The following TPD52 variants were observed in gnomAD, a reference collection of about 807,000 sequenced individuals.
The protein encoded by TPD52 is tumor protein D52.
TPD52 carries 17 observed loss-of-function variants against 31.3 expected under a neutral mutation model. The ratio of observed to expected loss-of-function variants is 0.54; its 90% confidence interval spans 0.37 to 0.82. The LOEUF (loss-of-function observed/expected upper bound fraction) is 0.82. Ranked by LOEUF, TPD52 falls within the 40% of genes least tolerant of loss-of-function variation. TPD52 has a pLI of 0.00. For missense variants in TPD52, 212 were observed against 240.1 expected, an observed-to-expected ratio of 0.88 and a Z score of 0.77; for synonymous variants, 83 against 89.6, an observed-to-expected ratio of 0.93 and a Z score of 0.42.
chr8:80,077,059 G>A (rs1457520858), intron 1 of TPD52, among the ~76,000 whole-genome samples: 3 of 151,944 alleles, frequency 2.0e-5, no homozygotes, highest in African/African-American at 7.2e-5. Flanking sequence ...GGCGGATCAC[G>A]AGGTCAGGAG....
chr8:80,089,072 A>G (rs1356898390), intron 1 of TPD52, among the ~76,000 whole-genome samples: 1 of 152,214 alleles, frequency 6.6e-6, no homozygotes, highest in Non-Finnish European at 1.5e-5. Context: ...TTGGACTTTC[A>G]GCCTCCAGAA....
At chr8:80,116,883 T>A (rs894719865) in intron 1 of TPD52, among the ~76,000 whole-genome samples, 10 of 151,930 alleles carry the variant, frequency 6.6e-5, no homozygotes, top group Non-Finnish European at 1.2e-4. Context: ...TATCAATAGA[T>A]AAAGGACTAA....
intron 1 of TPD52, among the ~76,000 whole-genome samples, chr8:80,157,758 G>C (rs529275673): frequency 6.6e-6 from 1 of 152,154 alleles, no homozygotes; most frequent in Admixed American, 6.5e-5. Context: ...ACCACCCAGG[G>C]AAAGTATAAT....
At chr8:80,061,621 CTG>C (rs1812565750) in intron 2 of TPD52, among the ~76,000 whole-genome samples, 1 of 152,064 alleles carries the variant, frequency 6.6e-6, no homozygotes, top group Admixed American at 6.6e-5. Context: ...GAGGTCAAGG[CTG>C]CCCCGAGCCA....
At chr8:80,140,939 G>A (rs1809786411) in intron 1 of TPD52, among the ~76,000 whole-genome samples, 1 of 138,840 alleles carries the variant, frequency 7.2e-6, no homozygotes, top group Non-Finnish European at 1.6e-5. Flanking sequence ...ATTTTCAGGG[G>A]CAATACAACT....
downstream of TPD52, among the ~76,000 whole-genome samples, chr8:80,034,149 C>T (rs1809766885): frequency 6.6e-6 from 1 of 152,170 alleles, no homozygotes; most frequent in Admixed American, 6.5e-5. Flanking sequence ...ATGTCAGCAC[C>T]ACCCTGAGGA....
At chr8:80,112,220 C>G (rs1031249752) in intron 1 of TPD52, among the ~76,000 whole-genome samples, 1 of 152,340 alleles carries the variant, frequency 6.6e-6, no homozygotes, top group East Asian at 1.9e-4. Context: ...AAGCAGTGCT[C>G]TAGCACTTCA....
chr8:80,150,039 T>C (rs1050408060), intron 1 of TPD52, among the ~76,000 whole-genome samples: 9 of 152,192 alleles, frequency 5.9e-5, no homozygotes, highest in African/African-American at 1.9e-4. Context: ...ATCACAGGCC[T>C]GGAGGCCTAG....
intron 1 of TPD52, among the ~76,000 whole-genome samples, chr8:80,133,697 G>A (rs1443783506): frequency 6.6e-6 from 1 of 151,576 alleles, no homozygotes; most frequent in African/African-American, 2.4e-5. Flanking sequence ...AATTCCAAAT[G>A]GAGCCCTACA....
chr8:80,134,859 T>C (rs1809280842), intron 1 of TPD52, among the ~76,000 whole-genome samples: 1 of 152,214 alleles, frequency 6.6e-6, no homozygotes, highest in African/African-American at 2.4e-5. Context: ...TCCTGACTTG[T>C]TCCTGACATA....
intron 1 of TPD52, among the ~76,000 whole-genome samples, chr8:80,141,065 C>T (rs151297905): frequency 1.3e-5 from 2 of 152,052 alleles, no homozygotes; most frequent in African/African-American, 2.4e-5. Flanking sequence ...TCATCTGTGG[C>T]TCTGTGCATG....
intron 1 of TPD52, among the ~76,000 whole-genome samples, chr8:80,098,868 A>G (rs1806520747): frequency 6.6e-6 from 1 of 152,188 alleles, no homozygotes; most frequent in Non-Finnish European, 1.5e-5. Context: ...GGCCAGCTCA[A>G]CCTTCAGCAG....
downstream of TPD52, among the ~76,000 whole-genome samples, chr8:80,033,769 G>A (rs1809753641): frequency 6.6e-6 from 1 of 152,194 alleles, no homozygotes; most frequent in South Asian, 2.1e-4. Flanking sequence ...CTTTCTGCAG[G>A]CAGGTTGTCC....
intron 1 of TPD52, among the ~76,000 whole-genome samples, chr8:80,094,433 TATATA>T (rs1816540001): frequency 7.1e-4 from 4 of 5,640 alleles, no homozygotes; most frequent in Non-Finnish European, 1.0e-3. Flanking sequence ...GAAAATTTTA[TATATA>T]TATATATATA....
At chr8:80,155,596 G>A (rs913863121) in intron 1 of TPD52, among the ~76,000 whole-genome samples, 2 of 152,108 alleles carry the variant, frequency 1.3e-5, no homozygotes, top group Non-Finnish European at 1.5e-5. Context: ...TAGAAAATAC[G>A]GAAAGGGCCA....
intron 1 of TPD52, among the ~76,000 whole-genome samples, chr8:80,107,694 C>T (rs748628331): frequency 4.6e-5 from 7 of 151,862 alleles, no homozygotes; most frequent in Non-Finnish European, 1.0e-4. Flanking sequence ...GATAAATGAG[C>T]ATGCATGTAA....
chr8:80,144,244 A>C (rs187880554), intron 1 of TPD52, among the ~76,000 whole-genome samples: 45 of 152,336 alleles, frequency 3.0e-4, no homozygotes, highest in Admixed American at 9.8e-4. Flanking sequence ...TATTCCAATT[A>C]GTACATAAAT....
rs182139906 is a variant in TPD52 at position 80,138,925 on chromosome 8, T to C, written c.19+32500A>G. ...AAACACGAGCCAACCAGATGACCTG[T>C]TTCCAGGATCATGGCAGCCCCTCCG... On this transcript the variant is annotated intron_variant, in intron 1 of 7. Transcript: ENST00000518937. Among the ~76,000 whole-genome samples, 8 of 152,302 alleles carry C rather than the reference T, an allele frequency of 5.3e-5. No homozygotes were observed. The East Asian group carries it at 1.5e-3, about 29-fold the overall frequency.
chr8:80,149,591 C>T (rs143108732), intron 1 of TPD52, among the ~76,000 whole-genome samples: 72 of 152,252 alleles, frequency 4.7e-4, no homozygotes, highest in African/African-American at 1.7e-3. Flanking sequence ...CAGAAGAAGA[C>T]AGGAAAATGT....
Sources: allele counts gnomAD v4.1 joint callset (sites outside exome capture counted in the v4.1 genomes callset), GRCh38; gene constraint gnomAD v4.1.1; transcripts MANE v1.5; gene names NCBI Gene and HGNC (gene_info 2026-07-23, HGNC 2026-07-21).